Variants in TRPC1 observed in about 807,000 individuals in gnomAD.
TRPC1 encodes transient receptor potential cation channel subfamily C member 1, also known as short transient receptor potential channel 1.
Under a neutral mutation model 88.2 loss-of-function variants are expected in TRPC1, and 42 were observed. The observed-to-expected ratio is 0.48, with a 90% CI of 0.37 to 0.62. The LOEUF (loss-of-function observed/expected upper bound fraction) is 0.62, where lower values mean the gene tolerates loss of function less well. TRPC1 is among the 20% of genes least tolerant of loss of function. TRPC1 has a pLI of 0.00. For synonymous variants in TRPC1, 288 were observed against 331.8 expected (o/e 0.87, Z 1.43); for missense variants, 699 against 957.3 (o/e 0.73, Z 3.56).
At chr3:142,796,845 A>G (rs1265021521) in intron 9 of TRPC1, among the ~76,000 whole-genome samples, 1 of 152,132 alleles carries the variant, frequency 6.6e-6, no homozygotes, top group Admixed American at 6.6e-5. Context: ...GGAGGATAGA[A>G]GAGAAAGAGG....
chr3:142,754,875 G>C (rs1934902974), intron 4 of TRPC1, among the ~76,000 whole-genome samples: 1 of 152,138 alleles, frequency 6.6e-6, no homozygotes, highest in Non-Finnish European at 1.5e-5. Context: ...ATGATGATGA[G>C]GGAGTATTGG....
chr3:142,772,880 G>A (rs1291241518), intron 4 of TRPC1, among the ~76,000 whole-genome samples: 1 of 152,136 alleles, frequency 6.6e-6, no homozygotes, highest in African/African-American at 2.4e-5. Context: ...TTCTTATGAG[G>A]GTCGTGAAGG....
At chr3:142,745,262 T>C (rs1241741534) in intron 3 of TRPC1, among the ~76,000 whole-genome samples, 1 of 152,224 alleles carries the variant, frequency 6.6e-6, no homozygotes, top group East Asian at 1.9e-4. Flanking sequence ...AGCCTTTTAG[T>C]CCATTTCCTT....
intron 2 of TRPC1, among the ~76,000 whole-genome samples, chr3:142,737,187 A>T (rs1489637059): frequency 6.6e-6 from 1 of 150,970 alleles, no homozygotes; most frequent in Non-Finnish European, 1.5e-5. Flanking sequence ...TGGTTTGCTT[A>T]TGATGGGACT....
chr3:142,789,022 T>C (rs1184021448), intron 7 of TRPC1, among the ~76,000 whole-genome samples: 2 of 152,222 alleles, frequency 1.3e-5, no homozygotes, highest in East Asian at 3.8e-4. Context: ...AGGTAAAATA[T>C]TGCATTTCAC....
chr3:142,795,474 C>T (rs923887978), intron 9 of TRPC1, among the ~76,000 whole-genome samples: 1 of 151,696 alleles, frequency 6.6e-6, no homozygotes, highest in African/African-American at 2.4e-5. Context: ...CAGAGAATAG[C>T]AGGTCATCAT....
In TRPC1 at chr3:142,762,391, CTCT is replaced by C. The variant is rs747686104; in HGVS notation, c.632+13938_632+13940del. Among the ~76,000 whole-genome samples, 25 of 142,878 alleles carry C rather than the reference CTCT, an allele frequency of 1.7e-4. No homozygotes were observed. The East Asian group carries it at 4.2e-3, about 24-fold the overall frequency. The allele number at this position is 142,878 out of a possible 152,430, so 93.7% of individuals were successfully genotyped here. A position where few individuals can be genotyped will look rare whatever the true frequency, so the allele number is the denominator to read the frequency against. Reference sequence around the variant, plus strand: ...TTTATTTCTGCTTCGATCTTTATTTCTCTTCTTCTGCTAATTTTCGGTTTGGTT... The same window carrying C: ...TTTATTTCTGCTTCGATCTTTATTTCTCTTCTGCTAATTTTCGGTTTGGTT... On this transcript the variant is annotated intron_variant, in intron 4 of 12. Coordinates refer to ENST00000476941, the MANE Select transcript of TRPC1 (RefSeq NM_001251845.2).
chr3:142,748,633 G>T (rs1439038685), intron 4 of TRPC1, among the ~76,000 whole-genome samples, 173 bp downstream of exon 4: 1 of 152,202 alleles, frequency 6.6e-6, no homozygotes, highest in Non-Finnish European at 1.5e-5. Flanking sequence ...TTTTTAAGAA[G>T]TGTTCACCAA....
intron 8 of TRPC1, 118 bp downstream of exon 8, chr3:142,791,276 A>T: frequency 1.1e-6 from 1 of 874,520 alleles, no homozygotes; most frequent in Non-Finnish European, 1.6e-6. Flanking sequence ...GTGTGTTTTC[A>T]TTTTAAGCCT....
chr3:142,726,033 G>T (rs1286962849), intron 1 of TRPC1, among the ~76,000 whole-genome samples: 1 of 152,102 alleles, frequency 6.6e-6, no homozygotes, highest in Non-Finnish European at 1.5e-5. Flanking sequence ...TAAAGAAACA[G>T]AATATACATC....
rs1205288304 is a variant in TRPC1 at position 142,805,127 on chromosome 3, T to TAC, written c.2154+498_2154+499insCA. Reference sequence around the variant, plus strand: ...GAACAAACAAACAAACAAATATATATATACACACACACACACACACACACA... The same window carrying TAC: ...GAACAAACAAACAAACAAATATATATACATACACACACACACACACACACACA... On this transcript the variant is annotated intron_variant, in intron 12 of 12. Transcript: ENST00000476941. Among the ~76,000 whole-genome samples, 321 of 120,456 alleles carry TAC rather than the reference T, an allele frequency of 2.7e-3. 2 individuals are homozygous for TAC. Among genetic ancestry groups the TAC allele is most frequent in the Admixed American group, 0.018 (220 of 11,932 alleles). The allele number at this position is 120,456 out of a possible 152,430, so 79.0% of individuals were successfully genotyped here.
At chr3:142,769,037 G>A (rs949762645) in intron 4 of TRPC1, among the ~76,000 whole-genome samples, 14 of 151,814 alleles carry the variant, frequency 9.2e-5, no homozygotes, top group East Asian at 1.9e-4. Context: ...TCCAGTTACC[G>A]TTTCCTTTCA....
chr3:142,733,761 T>G (rs757066672), intron 1 of TRPC1, among the ~76,000 whole-genome samples: 1 of 152,162 alleles, frequency 6.6e-6, no homozygotes, highest in South Asian at 2.1e-4. Context: ...AGCTAAAATA[T>G]AATGAACATC....
chr3:142,737,072 C>A (rs982390212), intron 2 of TRPC1, among the ~76,000 whole-genome samples: 2 of 152,010 alleles, frequency 1.3e-5, no homozygotes, highest in African/African-American at 4.8e-5. Context: ...GTAGACCTTC[C>A]TACTTCATAT....
At chr3:142,783,249 A>T (rs1322441091) in intron 6 of TRPC1, among the ~76,000 whole-genome samples, 1 of 152,206 alleles carries the variant, frequency 6.6e-6, no homozygotes, top group East Asian at 1.9e-4. Flanking sequence ...TATTTGGAGG[A>T]AAGGTGACAC....
intron 4 of TRPC1, among the ~76,000 whole-genome samples, chr3:142,773,977 C>G (rs2108102194): frequency 6.6e-6 from 1 of 151,968 alleles, no homozygotes; most frequent in East Asian, 1.9e-4. Flanking sequence ...CTTGCCTAGC[C>G]TACAGAATTT....
At chr3:142,804,825 G>A (rs1175058599) in intron 12 of TRPC1, among the ~76,000 whole-genome samples, 195 bp downstream of exon 12, 1 of 152,048 alleles carries the variant, frequency 6.6e-6, no homozygotes, top group Admixed American at 6.6e-5. Flanking sequence ...AGAGTGAGAG[G>A]GCTGGGTGCG....
intron 3 of TRPC1, among the ~76,000 whole-genome samples, chr3:142,744,695 T>A (rs1158772981): frequency 6.6e-6 from 1 of 152,174 alleles, no homozygotes; most frequent in Non-Finnish European, 1.5e-5. Flanking sequence ...CAACAAAATG[T>A]TACCTAACAA....
Position 142,802,308 on chromosome 3 carries a change from T to A in TRPC1, c.1721T>A (p.Ile574Asn). ...AAGGAGCAGAAGGACTGTGTAGGCA[T>A]CTTCTGTGAACAGCAAAGCAATGAT... ...TSKEQKDCVG[I>N]FCEQQSNDTF... Residue 574 changes from isoleucine to asparagine, a missense_variant, in exon 10 of 13, where the codon ATC becomes AAC. Coordinates refer to ENST00000476941, the MANE Select transcript of TRPC1 (RefSeq NM_001251845.2). The A allele has an allele frequency of 6.5e-7, 1 of 1,537,972 alleles. No homozygotes were observed. Among genetic ancestry groups the A allele is most frequent in the Non-Finnish European group, 8.7e-7 (1 of 1,145,990 alleles).
Sources: allele counts gnomAD v4.1 joint callset (sites outside exome capture counted in the v4.1 genomes callset), GRCh38; gene constraint gnomAD v4.1.1; transcripts MANE v1.5; gene names NCBI Gene and HGNC (gene_info 2026-07-23, HGNC 2026-07-21).